MYOF: variants seen among roughly 807,000 people sequenced by gnomAD.
MYOF encodes fer-1-like 3, myoferlin.
A neutral mutation model predicts 284.2 loss-of-function variants in MYOF; 244 were observed. The ratio of observed to expected loss-of-function variants is 0.86; its 90% confidence interval spans 0.77 to 0.95. MYOF has a LOEUF of 0.95. Ranked by LOEUF, MYOF falls within the 40% of genes least tolerant of loss-of-function variation. The probability of loss-of-function intolerance (pLI) is 0.00; values close to 1 mark genes in which losing one functional copy is unlikely to be tolerated. For synonymous variants in MYOF, 904 were observed against 919.7 expected, an observed-to-expected ratio of 0.98 and a Z score of 0.31; for missense variants, 2,496 against 2,560.6, an observed-to-expected ratio of 0.97 and a Z score of 0.54.
At chr10:93,369,599 C>T (rs764002629) in intron 25 of MYOF, 46 bp downstream of exon 25, 3 of 1,607,922 alleles carry the variant, frequency 1.9e-6, no homozygotes, top group Non-Finnish European at 1.7e-6. Context: ...TAAAAGTGCC[C>T]CTCCCCCGAC....
At chr10:93,477,385 G>T (rs10882241) in intron 1 of MYOF, among the ~76,000 whole-genome samples, 7,216 of 151,424 alleles carry the variant, frequency 0.048, 230 homozygotes, top group Non-Finnish European at 0.071. Context: ...CCAGCTACTC[G>T]GGAGACTGAG....
chr10:93,422,910 AT>A (rs199908885), intron 5 of MYOF, among the ~76,000 whole-genome samples: 267 of 150,548 alleles, frequency 1.8e-3, no homozygotes, highest in African/African-American at 6.2e-3. Flanking sequence ...GAACCACAGT[AT>A]TTTTTTTTTC....
intron 9 of MYOF, 35 bp downstream of exon 9, chr10:93,403,988 C>A (rs1395311104): frequency 6.2e-7 from 1 of 1,605,040 alleles, no homozygotes; most frequent in African/African-American, 1.3e-5. Flanking sequence ...TCTCATCTTT[C>A]TGTAAGTTGA....
At chr10:93,445,747 C>G (rs770836603) in intron 3 of MYOF, among the ~76,000 whole-genome samples, 2 of 152,128 alleles carry the variant, frequency 1.3e-5, no homozygotes, top group Non-Finnish European at 2.9e-5. Context: ...GCTAATAGGC[C>G]GGGGAGCAGC....
chr10:93,366,893 A>G (rs563417483), intron 25 of MYOF, among the ~76,000 whole-genome samples: 51 of 151,508 alleles, frequency 3.4e-4, no homozygotes, highest in African/African-American at 1.2e-3. Flanking sequence ...ATAATTTTGA[A>G]TGGCTCAAGA....
At chr10:93,354,049 T>C (rs1043806329) in intron 31 of MYOF, among the ~76,000 whole-genome samples, 161 bp from the exon 32 acceptor site, 18 of 152,242 alleles carry the variant, frequency 1.2e-4, no homozygotes, top group Admixed American at 1.1e-3. Flanking sequence ...TGATGTGGCC[T>C]CCCAAAGTAG....
At chr10:93,464,990 C>T (rs963978717) in intron 1 of MYOF, among the ~76,000 whole-genome samples, 1 of 152,202 alleles carries the variant, frequency 6.6e-6, no homozygotes, top group Non-Finnish European at 1.5e-5. Flanking sequence ...TCACACACCC[C>T]TGAACCACAC....
At chr10:93,344,010 A>T in intron 37 of MYOF, 78 bp from the exon 38 acceptor site, 2 of 1,494,316 alleles carry the variant, frequency 1.3e-6, no homozygotes, top group South Asian at 2.3e-5. Flanking sequence ...GTTCAAGTTT[A>T]ACAGCCATAG....
chr10:93,358,945 T>C (rs899229643), intron 29 of MYOF, among the ~76,000 whole-genome samples: 2 of 150,604 alleles, frequency 1.3e-5, no homozygotes, highest in African/African-American at 2.4e-5. Context: ...GGAACTTAAA[T>C]TAAAAAAAAA....
chr10:93,309,138 T>G (rs1331183141), intron 53 of MYOF, among the ~76,000 whole-genome samples: 1 of 152,180 alleles, frequency 6.6e-6, no homozygotes, highest in Non-Finnish European at 1.5e-5. Flanking sequence ...CTTGGCAAAC[T>G]TGAATGTCCC....
chr10:93,464,018 AGAT>A (rs140868992), intron 1 of MYOF, among the ~76,000 whole-genome samples: 7,118 of 152,272 alleles, frequency 0.047, 220 homozygotes, highest in Non-Finnish European at 0.07. Context: ...ACATAAGTCC[AGAT>A]GTTGCTGTCG....
Position 93,313,131 on chromosome 10 carries a change from G to A in MYOF, c.5778C>T (p.Asp1926=), listed in dbSNP as rs780095527. 2.5e-6 allele frequency: 4 copies of A among 1,614,000 alleles called. No individual in the cohort carries two copies. Among genetic ancestry groups the A allele is most frequent in the Non-Finnish European group, 3.4e-6 (4 of 1,179,998 alleles). ...CTTTAAGGGGGTTCATGGCTTTGAGGTCCGGAATCATGTCCAATCTGCATT... is the reference window on the plus strand; with the variant it reads ...CTTTAAGGGGGTTCATGGCTTTGAGATCCGGAATCATGTCCAATCTGCATT... The part of the protein sequence containing the change: ...PEKCRLDMIP[D]LKAMNPLKAK... The change falls in exon 51 of 54, where the codon GAC becomes GAT. Residue 1926 remains aspartate (D), a synonymous_variant. Coordinates refer to ENST00000359263, the MANE Select transcript of MYOF (RefSeq NM_013451.4).
chr10:93,451,719 C>G (rs2056596151), intron 3 of MYOF, among the ~76,000 whole-genome samples: 1 of 152,178 alleles, frequency 6.6e-6, no homozygotes, highest in Non-Finnish European at 1.5e-5. Flanking sequence ...AATATCACTA[C>G]AGTTCAGATA....
intron 31 of MYOF, among the ~76,000 whole-genome samples, chr10:93,355,388 G>A (rs1041158841): frequency 1.3e-5 from 2 of 152,172 alleles, no homozygotes; most frequent in East Asian, 3.9e-4. Flanking sequence ...GAGGTCAGGA[G>A]GTCGAGACCA....
In MYOF at chr10:93,379,852, G is replaced by C. The variant is rs762525182; in HGVS notation, c.2001+11C>G. ...TTGGTGAAAAGGAAATGCAGAAAAA[G>C]AGAAACTTACCAGCCGTTCTGCCAT... On this transcript the variant is annotated intron_variant, in intron 21 of 53. Transcript: ENST00000359263. 2.5e-6 allele frequency: 4 copies of C among 1,613,004 alleles called. No individual in the cohort carries two copies. The highest frequency in any genetic ancestry group is 3.3e-5 in the Admixed American group (2 of 59,968).
intron 3 of MYOF, among the ~76,000 whole-genome samples, chr10:93,441,418 G>A (rs118025986): frequency 0.053 from 7,975 of 151,292 alleles, 295 homozygotes; most frequent in Non-Finnish European, 0.074. Flanking sequence ...GGAGTCTCAC[G>A]CCGTTGCCCA....
chr10:93,481,796 T>TA (rs2057385289), intron 1 of MYOF, among the ~76,000 whole-genome samples: 1 of 152,312 alleles, frequency 6.6e-6, no homozygotes, highest in African/African-American at 2.4e-5. Context: ...TACTGAAACT[T>TA]ACTTTGAACC....
chr10:93,323,947 G>C (rs1842940413), intron 46 of MYOF, among the ~76,000 whole-genome samples: 4 of 152,200 alleles, frequency 2.6e-5, no homozygotes, highest in Admixed American at 2.6e-4. Flanking sequence ...ATTTTCAAAA[G>C]AGGAGCTCAA....
Position 93,316,348 on chromosome 10 carries a change from G to T in MYOF, c.5698+366C>A, listed in dbSNP as rs1294764185. On this transcript the variant is annotated intron_variant, in intron 50 of 53. Transcript: ENST00000359263. ...CAGGAGAAATGGCGGGGGGGTTGGG[G>T]ACCTTGGTAACTTGGGAACAGGTTG... 1.1e-4 allele frequency among the ~76,000 whole-genome samples: 17 copies of T among 152,116 alleles called. No individual in the cohort carries two copies. In the East Asian group the frequency reaches 3.3e-3, roughly 30 times the overall value.
Sources: gnomAD v4.1 joint callset for allele counts (sites outside exome capture counted in the v4.1 genomes callset) on GRCh38, gnomAD v4.1.1 for gene constraint, MANE v1.5 for transcripts, NCBI Gene and HGNC (gene_info 2026-07-23, HGNC 2026-07-21) for gene names.